The following PDGFD variants were observed in gnomAD, a reference collection of about 807,000 sequenced individuals.
PDGFD encodes the protein platelet-derived growth factor D.
In PDGFD, 30 loss-of-function variants were observed where a neutral mutation model predicts 44.7. The observed-to-expected ratio is 0.67, with a 90% CI of 0.50 to 0.91. The LOEUF is 0.91. Among genes scored for constraint, PDGFD ranks in the 40% least tolerant of loss-of-function variants. PDGFD has a pLI of 0.00. For synonymous variants in PDGFD, 173 were observed against 168.4 expected (o/e 1.03, Z -0.21); for missense variants, 445 against 457.8 (o/e 0.97, Z 0.25).
Position 104,046,713 on chromosome 11 carries a change from T to A in PDGFD, c.125-46458A>T. 1.4e-5 allele frequency among the ~76,000 whole-genome samples: 2 copies of A among 147,400 alleles called. 1 individual carries two copies. The highest frequency in any genetic ancestry group is 1.4e-4 in the Admixed American group (2 of 14,702). On this transcript the variant is annotated intron_variant, in intron 1 of 6. Coordinates refer to ENST00000393158, the MANE Select transcript of PDGFD (RefSeq NM_025208.5). ...AATACAAAAATCTTCCCACAGTATC[T>A]ACTCTCAGTGATTCAGGTTAAATTA...
At chr11:104,158,245 T>G (rs1862336666) in intron 1 of PDGFD, among the ~76,000 whole-genome samples, 1 of 152,194 alleles carries the variant, frequency 6.6e-6, no homozygotes, top group South Asian at 2.1e-4. Flanking sequence ...AGAAGAAGTG[T>G]GATAATACAT....
intron 3 of PDGFD, among the ~76,000 whole-genome samples, chr11:103,956,005 G>C (rs757662715): frequency 5.3e-4 from 80 of 151,506 alleles, no homozygotes; most frequent in Non-Finnish European, 1.0e-3. Context: ...CCTACATTAT[G>C]AGAAAAGGAA....
At position 104,118,710 on chromosome 11, in the gene PDGFD, T is replaced by C. The variant is rs574016270; in HGVS notation, c.124+45094A>G. 9.4e-5 allele frequency among the ~76,000 whole-genome samples: 8 copies of C among 85,076 alleles called. 1 individual carries two copies. The South Asian group carries it at 2.7e-3, about 28-fold the overall frequency. 55.8% of individuals were successfully genotyped at this position (85,076 alleles called of 152,430 possible). On this transcript the variant is annotated intron_variant, in intron 1 of 6. Coordinates refer to ENST00000393158, the MANE Select transcript of PDGFD (RefSeq NM_025208.5). ...ACCTCCTCACCATCTCCTTAATTTA[T>C]ATATTATTATGTTATTAATATATTA...
At chr11:104,104,693 C>T (rs1256943641) in intron 1 of PDGFD, among the ~76,000 whole-genome samples, 3 of 152,000 alleles carry the variant, frequency 2.0e-5, no homozygotes, top group Non-Finnish European at 4.4e-5. Flanking sequence ...CACACAATGA[C>T]GAAACCACCT....
intron 1 of PDGFD, among the ~76,000 whole-genome samples, chr11:104,143,175 T>C (rs1368548530): frequency 2.6e-5 from 4 of 152,236 alleles, no homozygotes; most frequent in African/African-American, 9.6e-5. Context: ...TGTTTTTAAA[T>C]GTTTTTTGTT....
intron 1 of PDGFD, among the ~76,000 whole-genome samples, chr11:104,029,061 G>C (rs765030081): frequency 8.5e-5 from 13 of 152,156 alleles, no homozygotes; most frequent in Non-Finnish European, 4.4e-5. Flanking sequence ...CAGCAGTTAA[G>C]CACATTTTAT....
At chr11:103,997,851 TAGGG>T (rs1240090833) in intron 2 of PDGFD, among the ~76,000 whole-genome samples, 1 of 152,156 alleles carries the variant, frequency 6.6e-6, no homozygotes, top group Non-Finnish European at 1.5e-5. Context: ...TTTTATCTCT[TAGGG>T]AGGGTTCTGA....
intron 1 of PDGFD, among the ~76,000 whole-genome samples, chr11:104,025,414 A>G (rs1260611253): frequency 6.6e-6 from 1 of 152,214 alleles, no homozygotes; most frequent in Non-Finnish European, 1.5e-5. Context: ...AGAAAAACAA[A>G]CACAACACAA....
At position 104,163,806 on chromosome 11, in the gene PDGFD, T is replaced by A. The variant is rs1335315222; in HGVS notation, c.122A>T (p.Asp41Val). 2 of 1,534,950 alleles carry A rather than the reference T, an allele frequency of 1.3e-6. No individual in the cohort carries two copies. Among genetic ancestry groups the A allele is most frequent in the African/African-American group, 1.4e-5 (1 of 73,314 alleles). The change falls in exon 1 of 7, where the codon GAT (aspartate) becomes GTT (valine). Residue 41 changes from aspartate (D) to valine (V), a missense_variant and splice_region_variant. Transcript: ENST00000393158. The stretch of plus-strand genomic sequence containing the variant: ...AAAAAATAAAATGAGTCTCTTACCA[T>A]CTCGCCTGAGGTTGGCGTTGCGCAA... Reference protein sequence around the residue: ...KALRNANLRRDESNHLTDLYR... With the variant: ...KALRNANLRRVESNHLTDLYR...
At chr11:104,039,341 G>A (rs955178392) in intron 1 of PDGFD, among the ~76,000 whole-genome samples, 1 of 151,880 alleles carries the variant, frequency 6.6e-6, no homozygotes, top group Non-Finnish European at 1.5e-5. Flanking sequence ...AAGGATCTGG[G>A]ATATCCTTTA....
At chr11:103,988,273 C>T (rs949155636) in intron 3 of PDGFD, among the ~76,000 whole-genome samples, 7 of 151,806 alleles carry the variant, frequency 4.6e-5, no homozygotes, top group African/African-American at 1.7e-4. Flanking sequence ...AAAATCACTA[C>T]ATTTTTTCTG....
At chr11:103,926,312 T>C (rs1439127832) in intron 6 of PDGFD, among the ~76,000 whole-genome samples, 2 of 152,238 alleles carry the variant, frequency 1.3e-5, no homozygotes, top group African/African-American at 2.4e-5. Flanking sequence ...ATTAAGGTTA[T>C]TGTGCTCTTT....
chr11:103,964,087 T>G (rs1234213349), intron 3 of PDGFD, among the ~76,000 whole-genome samples: 1 of 152,150 alleles, frequency 6.6e-6, no homozygotes, highest in Non-Finnish European at 1.5e-5. Flanking sequence ...CTTGCTCCCA[T>G]GATGGCAGGC....
At chr11:104,042,950 G>C (rs772467921) in intron 1 of PDGFD, among the ~76,000 whole-genome samples, 1 of 152,046 alleles carries the variant, frequency 6.6e-6, no homozygotes, top group Non-Finnish European at 1.5e-5. Context: ...AAAAGTATTA[G>C]TGTTTTGCAT....
chr11:103,963,240 C>G (rs1384605314), intron 3 of PDGFD, among the ~76,000 whole-genome samples: 1 of 152,036 alleles, frequency 6.6e-6, no homozygotes, highest in African/African-American at 2.4e-5. Flanking sequence ...GTACTATCAC[C>G]TAGAATGTGC....
At chr11:103,915,075 T>G (rs1297897594) in intron 6 of PDGFD, among the ~76,000 whole-genome samples, 1 of 152,158 alleles carries the variant, frequency 6.6e-6, no homozygotes, top group African/African-American at 2.4e-5. Flanking sequence ...CTATTCAAGA[T>G]ACTATTGGAA....
intron 1 of PDGFD, among the ~76,000 whole-genome samples, chr11:104,121,642 T>C (rs532172379): frequency 1.3e-5 from 2 of 152,080 alleles, no homozygotes; most frequent in Non-Finnish European, 2.9e-5. Context: ...ATAAAGTTAA[T>C]CTTGCAAATT....
intron 1 of PDGFD, among the ~76,000 whole-genome samples, chr11:104,112,493 C>T (rs766693708): frequency 6.6e-6 from 1 of 151,930 alleles, no homozygotes; most frequent in Non-Finnish European, 1.5e-5. Flanking sequence ...GACAGAAATA[C>T]CATTTGACCA....
chr11:103,931,817 T>C (rs1458206244), intron 5 of PDGFD, among the ~76,000 whole-genome samples: 1 of 152,140 alleles, frequency 6.6e-6, no homozygotes, highest in Non-Finnish European at 1.5e-5. Flanking sequence ...TTATTGTTGT[T>C]ACAAGGTCTA....
Sources: allele counts gnomAD v4.1 joint callset (sites outside exome capture counted in the v4.1 genomes callset), GRCh38; gene constraint gnomAD v4.1.1; transcripts MANE v1.5; gene names NCBI Gene and HGNC (gene_info 2026-07-23, HGNC 2026-07-21).